Variants in RPS20 observed in about 807,000 individuals in gnomAD.
The protein encoded by RPS20 is ribosomal protein S20, also known as small ribosomal subunit protein uS10.
In RPS20, 3 loss-of-function variants were observed where a neutral mutation model predicts 15.3. That is an observed-to-expected ratio of 0.20 (90% CI 0.09 to 0.51). The LOEUF is 0.51. Ranked by LOEUF, RPS20 falls within the 20% of genes least tolerant of loss-of-function variation. The pLI, the probability that RPS20 is intolerant of heterozygous loss-of-function variation, is 0.96. For synonymous variants in RPS20, 62 were observed against 47.8 expected, an observed-to-expected ratio of 1.30 and a Z score of -1.23; for missense variants, 67 against 145.9, an observed-to-expected ratio of 0.46 and a Z score of 2.79.
At chr8:56,071,679 G>A (rs1809759886), downstream of RPS20, among the ~76,000 whole-genome samples, 1 of 152,198 alleles carries the variant, frequency 6.6e-6, no homozygotes, top group African/African-American at 2.4e-5. Context: ...TAGCTTTTCA[G>A]CTGTGGGTTG....
Position 56,073,279 on chromosome 8 carries a change from CA to C in RPS20, c.178-8del. 6.4e-7 allele frequency: 1 copy of C among 1,572,622 alleles called. No individual in the cohort carries two copies. Among genetic ancestry groups the C allele is most frequent in the Non-Finnish European group, 8.7e-7 (1 of 1,145,556 alleles). On this transcript the variant is annotated splice_polypyrimidine_tract_variant and splice_region_variant and intron_variant, in intron 3 of 3. Coordinates refer to ENST00000009589, the MANE Select transcript of RPS20 (RefSeq NM_001023.4). The stretch of plus-strand genomic sequence containing the variant: ...TTGTAGTGATTCTCAAAGTCTGTAA[CA>C]AAAGACAAAGGAAACCAAGTGTTTA...
Position 56,073,860 on chromosome 8 carries a change from T to G in RPS20, c.104-92A>C, listed in dbSNP as rs555747232. The G allele has an allele frequency of 1.3e-5, 16 of 1,238,182 alleles. No individual in the cohort carries two copies. In the East Asian group the frequency reaches 3.5e-4, roughly 27 times the overall value. The allele number at this position is 1,238,182 out of a possible 1,614,324, so 76.7% of individuals were successfully genotyped here. A position where few individuals can be genotyped will look rare whatever the true frequency, so the allele number is the denominator to read the frequency against. On this transcript the variant is annotated intron_variant, in intron 2 of 3. Coordinates refer to ENST00000009589, the MANE Select transcript of RPS20 (RefSeq NM_001023.4). ...TGCTGGCTCAGAATAGCGTATAAAA[T>G]TATCACCGTTACTCAACACAATAGG...
At chr8:56,073,871 A>G in intron 2 of RPS20, 103 bp from the exon 3 acceptor site, 1 of 1,171,626 alleles carries the variant, frequency 8.5e-7, no homozygotes, top group Non-Finnish European at 1.3e-6. Context: ...TATCACCGTT[A>G]CTCAACACAA....
chr8:56,070,203 A>G (rs778193921), downstream of RPS20, among the ~76,000 whole-genome samples: 64 of 152,174 alleles, frequency 4.2e-4, no homozygotes, highest in Non-Finnish European at 8.1e-4. Flanking sequence ...TTCTTTGGAA[A>G]ATGTCTCCCA....
At chr8:56,070,644 G>A (rs964154628), downstream of RPS20, among the ~76,000 whole-genome samples, 2 of 151,922 alleles carry the variant, frequency 1.3e-5, no homozygotes, top group Admixed American at 6.6e-5. Context: ...CAGGAGGATC[G>A]GTTCAGCCAG....
At chr8:56,069,818 C>A, downstream of RPS20, 1 of 1,516,418 alleles carries the variant, frequency 6.6e-7, no homozygotes, top group Non-Finnish European at 9.0e-7. Context: ...GGTTCTGCAT[C>A]TGTAGATTCG....
In RPS20 at chr8:56,073,848, T is replaced by C. The variant is rs145436920; in HGVS notation, c.104-80A>G. On this transcript the variant is annotated intron_variant, in intron 2 of 3. Coordinates refer to ENST00000009589, the MANE Select transcript of RPS20 (RefSeq NM_001023.4). Reference sequence around the variant, plus strand: ...GGCCTTCACTTCTGCTGGCTCAGAATAGCGTATAAAATTATCACCGTTACT... The same window carrying C: ...GGCCTTCACTTCTGCTGGCTCAGAACAGCGTATAAAATTATCACCGTTACT... 2.2e-5 allele frequency: 30 copies of C among 1,335,484 alleles called. No individual in the cohort carries two copies. In the Admixed American group the frequency reaches 3.2e-4, roughly 14 times the overall value. The allele number at this position is 1,335,484 out of a possible 1,614,324, so 82.7% of individuals were successfully genotyped here.
chr8:56,074,147 T>C lies in RPS20; in HGVS notation c.16A>G (p.Thr6Ala), dbSNP rs761123618. The C allele has an allele frequency of 6.2e-7, 1 of 1,612,440 alleles. No individual in the cohort carries two copies. MAFKDTGKTPVEPEVA... is the reference protein window; with the variant it reads MAFKDAGKTPVEPEVA... Reference sequence around the variant, plus strand: ...TCCGGCTCCACGGGTGTTTTTCCGGTATCCTTAAAAGCCTATTATTAGATA... The same window carrying C: ...TCCGGCTCCACGGGTGTTTTTCCGGCATCCTTAAAAGCCTATTATTAGATA... The change falls in exon 2 of 4, where the codon ACC (threonine) becomes GCC (alanine). Residue 6 changes from threonine to alanine, a missense_variant. Transcript: ENST00000009589.
chr8:56,069,623 T>C, downstream of RPS20: 1 of 998,538 alleles, frequency 1.0e-6, no homozygotes, highest in Non-Finnish European at 1.5e-6. Context: ...TTTCAAAAGA[T>C]AAAATTTCAT....
Position 56,073,658 on chromosome 8 carries a change from A to G in RPS20, c.177+37T>C, listed in dbSNP as rs149075530. 166 of 1,556,126 alleles carry G rather than the reference A, an allele frequency of 1.1e-4. 2 individuals carry two copies. The Middle Eastern group carries it at 1.3e-3, about 12-fold the overall frequency. ...AACCTGAATTTATGCAACATCCGGA[A>G]GCAACTCCTACTTCCTGCCCCTCCG... On this transcript the variant is annotated intron_variant, in intron 3 of 3. Transcript: ENST00000009589.
downstream of RPS20, among the ~76,000 whole-genome samples, chr8:56,070,512 G>T (rs936402325): frequency 4.6e-5 from 7 of 152,034 alleles, no homozygotes; most frequent in Non-Finnish European, 8.8e-5. Flanking sequence ...GAGGAGGGTG[G>T]ATCGCCTGAG....
At chr8:56,071,862 A>C (rs144027131), downstream of RPS20, among the ~76,000 whole-genome samples, 226 of 152,342 alleles carry the variant, frequency 1.5e-3, 1 homozygote, top group Non-Finnish European at 2.7e-3. Flanking sequence ...CAATCTTAAC[A>C]ATTTGTAGAT....
chr8:56,073,320 T>A (rs749847601), intron 3 of RPS20, 48 bp from the exon 4 acceptor site: 2 of 1,177,914 alleles, frequency 1.7e-6, no homozygotes, highest in East Asian at 2.3e-5. Context: ...TTTATACTTA[T>A]CCCTAGAACA....
At chr8:56,070,889 TC>T (rs1809734800), downstream of RPS20, among the ~76,000 whole-genome samples, 1 of 152,152 alleles carries the variant, frequency 6.6e-6, no homozygotes. Context: ...TTTTCAACCT[TC>T]CTTTAACTCC....
At chr8:56,073,007 T>C, downstream of RPS20, 1 of 1,538,940 alleles carries the variant, frequency 6.5e-7, no homozygotes. Context: ...TAGTACACCT[T>C]TATATTCCTA....
intron 2 of RPS20, 40 bp downstream of exon 2, chr8:56,074,020 G>T: frequency 6.7e-7 from 1 of 1,493,166 alleles, no homozygotes; most frequent in Non-Finnish European, 9.3e-7. Context: ...GTCGCTTTTC[G>T]CCCAATTCCC....
chr8:56,073,731 ATTC>A lies in RPS20; in HGVS notation c.138_140del (p.Lys46del), dbSNP rs780657304. The A allele has an allele frequency of 9.9e-6, 16 of 1,614,110 alleles. No homozygotes were observed. Among genetic ancestry groups the A allele is most frequent in the Admixed American group, 1.7e-5 (1 of 60,008 alleles). On this transcript the variant is annotated inframe_deletion, in exon 3 of 4. Coordinates refer to ENST00000009589, the MANE Select transcript of RPS20 (RefSeq NM_001023.4). ...TTCGAACTGGTCCTTTCACTTTGAG[ATTC>A]TTTTCTTTTGCGCCTCTTATCAAGT...
At chr8:56,074,220 A>AGGCAGCTTCC (rs1164631264) in intron 1 of RPS20, 61 bp from the exon 2 acceptor site, 3 of 1,545,886 alleles carry the variant, frequency 1.9e-6, no homozygotes, top group Non-Finnish European at 2.7e-6. Context: ...TTCTGGAGAA[A>AGGCAGCTTCC]GGCAGCTTCC....
downstream of RPS20, among the ~76,000 whole-genome samples, chr8:56,072,557 C>A (rs111976607): frequency 0.18 from 26,411 of 146,168 alleles, 2,722 homozygotes; most frequent in Middle Eastern, 0.31. Context: ...GTCCCCCCCC[C>A]CAAAAAAAAA....
Sources: gnomAD v4.1 joint callset for allele counts (sites outside exome capture counted in the v4.1 genomes callset) on GRCh38, gnomAD v4.1.1 for gene constraint, MANE v1.5 for transcripts, NCBI Gene and HGNC (gene_info 2026-07-23, HGNC 2026-07-21) for gene names.